Variants in PDZD2 observed in about 807,000 individuals in gnomAD.
PDZD2 encodes the protein PDZ domain-containing protein 2.
A neutral mutation model predicts 220.7 loss-of-function variants in PDZD2; 90 were observed. The ratio of observed to expected loss-of-function variants is 0.41; its 90% CI spans 0.34 to 0.49. The LOEUF (loss-of-function observed/expected upper bound fraction) is 0.49, where lower values mean the gene tolerates loss of function less well. PDZD2 is among the 20% of genes least tolerant of loss of function. The pLI is 0.28. For missense variants in PDZD2, 3,174 were observed against 3,608.5 expected (o/e 0.88, Z 3.08); for synonymous variants, 1,375 against 1,450.5 (o/e 0.95, Z 1.18).
At chr5:32,044,648 C>T (rs546547382) in intron 7 of PDZD2, among the ~76,000 whole-genome samples, 8 of 152,284 alleles carry the variant, frequency 5.3e-5, no homozygotes, top group Middle Eastern at 3.4e-3. Flanking sequence ...CTCTGACAGT[C>T]GCAATGCTTC....
chr5:31,979,986 A>G (rs1750155590), intron 2 of PDZD2, among the ~76,000 whole-genome samples: 1 of 152,246 alleles, frequency 6.6e-6, no homozygotes. Context: ...AAATTTGCCC[A>G]TAATAATACT....
At chr5:31,945,768 C>T (rs1292969633) in intron 2 of PDZD2, among the ~76,000 whole-genome samples, 1 of 152,124 alleles carries the variant, frequency 6.6e-6, no homozygotes, top group Non-Finnish European at 1.5e-5. Flanking sequence ...TCTCCTCCCC[C>T]AGGAAGAGTC....
rs758997031 is a variant in PDZD2, at chr5:32,089,304, G to A, written c.5856G>A (p.Arg1952=). The part of the protein sequence containing the change: ...DPDRNTTAAP[R]SPQCVLESKP... The stretch of plus-strand genomic sequence containing the variant: ...ACAGAAACACCACAGCTGCCCCCAG[G>A]TCCCCCCAGTGTGTGCTGGAAAGCA... Residue 1952 remains arginine, a synonymous_variant, in exon 20 of 25, where the codon AGG becomes AGA. Coordinates refer to ENST00000438447, the MANE Select transcript of PDZD2 (RefSeq NM_178140.4). The A allele has an allele frequency of 6.2e-6, 10 of 1,613,900 alleles. No homozygotes were observed. In the African/African-American group the frequency reaches 1.2e-4, roughly 19 times the overall value.
chr5:31,858,590 C>CT (rs1447256264), intron 2 of PDZD2, among the ~76,000 whole-genome samples: 3 of 152,212 alleles, frequency 2.0e-5, no homozygotes, highest in African/African-American at 7.2e-5. Flanking sequence ...CTTTGTAGGA[C>CT]TAACAAATTA....
In PDZD2 at chr5:31,981,977, C is replaced by T. The variant is rs541598577; in HGVS notation, c.477-1178C>T. Among the ~76,000 whole-genome samples, 3 of 152,316 alleles carry T rather than the reference C, an allele frequency of 2.0e-5. No homozygotes were observed. In the South Asian group the frequency reaches 6.2e-4, roughly 32 times the overall value. On this transcript the variant is annotated intron_variant, in intron 2 of 24. Transcript: ENST00000438447. ...TGTCATGCTTCACATACCTTATCTC[C>T]TTTGTATTACTTCCTGCTTCTAAAT... is the stretch of plus-strand genomic sequence containing the variant.
At chr5:32,036,461 G>T (rs538081356) in intron 6 of PDZD2, among the ~76,000 whole-genome samples, 1 of 152,168 alleles carries the variant, frequency 6.6e-6, no homozygotes. Context: ...ACTCTGAAGT[G>T]CATGTGTCTC....
chr5:31,826,371 A>AT (rs1293156364), intron 2 of PDZD2, among the ~76,000 whole-genome samples: 3 of 151,850 alleles, frequency 2.0e-5, no homozygotes, highest in Non-Finnish European at 4.4e-5. Context: ...TCTCCCTTTT[A>AT]TTTTTTACAA....
chr5:32,085,659 C>G (rs932449062), intron 19 of PDZD2, among the ~76,000 whole-genome samples: 2 of 150,202 alleles, frequency 1.3e-5, no homozygotes, highest in Non-Finnish European at 1.5e-5. Context: ...GTTGGCCAGG[C>G]TGGTCTCGAA....
chr5:32,017,012 A>G (rs1753837080), intron 6 of PDZD2, among the ~76,000 whole-genome samples: 1 of 152,196 alleles, frequency 6.6e-6, no homozygotes. Flanking sequence ...ATGGAGATAC[A>G]TGGATGGTTG....
At chr5:31,681,380 G>A (rs1260432207) in intron 1 of PDZD2, among the ~76,000 whole-genome samples, 1 of 152,048 alleles carries the variant, frequency 6.6e-6, no homozygotes, top group African/African-American at 2.4e-5. Flanking sequence ...CCGAGCAGCT[G>A]GGATTACAGG....
At chr5:32,061,170 T>A (rs1431503759) in intron 14 of PDZD2, 36 bp downstream of exon 14, 60 of 1,606,154 alleles carry the variant, frequency 3.7e-5, no homozygotes, top group Non-Finnish European at 4.9e-5. Context: ...CGTGGGAAGA[T>A]GATACACCTT....
At position 31,722,936 on chromosome 5, in the gene PDZD2, C is replaced by T. The variant is rs141187457; in HGVS notation, c.-360-75953C>T. Reference sequence around the variant, plus strand: ...CTCCTGACCTCAGGTGATCCACCCTCCTCAACCTCCCAAAGTGCTGGGATT... The same window carrying T: ...CTCCTGACCTCAGGTGATCCACCCTTCTCAACCTCCCAAAGTGCTGGGATT... On this transcript the variant is annotated intron_variant, in intron 1 of 24. Transcript: ENST00000438447. Among the ~76,000 whole-genome samples, 762 of 152,262 alleles carry T rather than the reference C, an allele frequency of 5.0e-3. 1 individual carries two copies. The highest frequency in any genetic ancestry group is 6.8e-3 in the Middle Eastern group (2 of 292).
rs956677245 is a variant in PDZD2 at position 32,093,148 on chromosome 5, GGTTGCGA to G, written c.7845+128_7845+134del. On this transcript the variant is annotated intron_variant, in intron 21 of 24. Transcript: ENST00000438447. The stretch of plus-strand genomic sequence containing the variant: ...GTCCTGGAGAGGGAGGACTGCCTTG[GGTTGCGA>G]GTTTCACAGCTCAGTCTGACTTTGG... 20 of 623,920 alleles carry G rather than the reference GGTTGCGA, an allele frequency of 3.2e-5. No homozygotes were observed. In the African/African-American group the frequency reaches 3.7e-4, roughly 12 times the overall value. The allele number at this position is 623,920 out of a possible 1,614,324, so 38.6% of individuals were successfully genotyped here. A position where few individuals can be genotyped will look rare whatever the true frequency, so the allele number is the denominator to read the frequency against.
intron 1 of PDZD2, among the ~76,000 whole-genome samples, chr5:31,696,676 C>T (rs1251337110): frequency 2.0e-5 from 3 of 152,196 alleles, no homozygotes; most frequent in Admixed American, 1.3e-4. Flanking sequence ...ATGGTTCTCT[C>T]CCTTGCTGTC....
At chr5:31,683,369 TA>T (rs908844258) in intron 1 of PDZD2, among the ~76,000 whole-genome samples, 3 of 152,104 alleles carry the variant, frequency 2.0e-5, no homozygotes, top group East Asian at 1.9e-4. Flanking sequence ...AAGGGTGCTT[TA>T]AAAAAATACA....
chr5:31,709,448 A>C (rs79978535), intron 1 of PDZD2, among the ~76,000 whole-genome samples: 1,678 of 151,826 alleles, frequency 0.011, 16 homozygotes, highest in Middle Eastern at 0.024. Context: ...ATGGCACTGC[A>C]CTGCAGCCTG....
intron 1 of PDZD2, among the ~76,000 whole-genome samples, chr5:31,732,403 T>G (rs1749587867): frequency 6.6e-6 from 1 of 152,302 alleles, no homozygotes; most frequent in South Asian, 2.1e-4. Flanking sequence ...TGATTGATGG[T>G]TGTTCTCTGC....
chr5:31,769,626 C>T lies in PDZD2; in HGVS notation c.-360-29263C>T, dbSNP rs114205384. Among the ~76,000 whole-genome samples, 898 of 152,278 alleles carry T rather than the reference C, an allele frequency of 5.9e-3. 11 individuals carry two copies. Among genetic ancestry groups the T allele is most frequent in the African/African-American group, 0.02 (842 of 41,550 alleles). On this transcript the variant is annotated intron_variant, in intron 1 of 24. Transcript: ENST00000438447. ...AATTGTTTCTCCTGATACTTTGAAA[C>T]GCTGTTGTGTTCTGAGTCACTGAAG...
intron 1 of PDZD2, among the ~76,000 whole-genome samples, chr5:31,718,191 G>T (rs1748564617): frequency 6.6e-6 from 1 of 152,208 alleles, no homozygotes; most frequent in Admixed American, 6.5e-5. Flanking sequence ...AGTGGGGTTG[G>T]TGAGTTGGGA....
Sources: gnomAD v4.1 joint callset for allele counts (sites outside exome capture counted in the v4.1 genomes callset) on GRCh38, gnomAD v4.1.1 for gene constraint, MANE v1.5 for transcripts, NCBI Gene and HGNC (gene_info 2026-07-23, HGNC 2026-07-21) for gene names.